TFEC: variants seen among roughly 807,000 people sequenced by gnomAD.
TFEC encodes class E basic helix-loop-helix protein 34.
A neutral mutation model predicts 41.6 loss-of-function variants in TFEC; 31 were observed. The ratio of observed to expected loss-of-function variants is 0.74; its 90% confidence interval spans 0.56 to 1.01. The LOEUF is 1.01. Ranked by LOEUF, TFEC falls within the 50% of genes least tolerant of loss-of-function variation. The pLI is 0.00. For missense variants in TFEC, 402 were observed against 404.1 expected (o/e 0.99, Z 0.04); for synonymous variants, 143 against 140.6 (o/e 1.02, Z -0.12).
chr7:116,065,384 A>G (rs992178484), intron 3 of TFEC, among the ~76,000 whole-genome samples: 6 of 152,162 alleles, frequency 3.9e-5, no homozygotes, highest in Admixed American at 6.6e-5. Flanking sequence ...TCCATTATGA[A>G]TGGTGCTTAC....
At chr7:116,144,105 C>G (rs1227354816) in intron 1 of TFEC, among the ~76,000 whole-genome samples, 1 of 152,042 alleles carries the variant, frequency 6.6e-6, no homozygotes, top group Non-Finnish European at 1.5e-5. Flanking sequence ...GTAATCCCAG[C>G]TACTCAGGAG....
chr7:116,144,258 A>G (rs996163624), intron 1 of TFEC, among the ~76,000 whole-genome samples: 12 of 152,142 alleles, frequency 7.9e-5, no homozygotes, highest in Non-Finnish European at 1.6e-4. Context: ...CCTCAACACA[A>G]TAACTCTAAG....
At chr7:116,158,749 A>C (rs183790852) in intron 1 of TFEC, among the ~76,000 whole-genome samples, 1 of 152,188 alleles carries the variant, frequency 6.6e-6, no homozygotes, top group African/African-American at 2.4e-5. Context: ...TAAAAATGTG[A>C]TACTAGGTCC....
intron 1 of TFEC, among the ~76,000 whole-genome samples, chr7:116,116,086 G>A (rs188797513): frequency 6.8e-4 from 103 of 152,028 alleles, no homozygotes; most frequent in African/African-American, 2.4e-3. Flanking sequence ...TACATGGTTG[G>A]TGTGAGTATT....
chr7:116,011,456 T>C (rs1794997570), intron 1 of TFEC, among the ~76,000 whole-genome samples: 1 of 152,124 alleles, frequency 6.6e-6, no homozygotes, highest in Non-Finnish European at 1.5e-5. Context: ...TTATAAATTA[T>C]AGTATATCAA....
At chr7:116,034,247 G>A (rs545541256), upstream of TFEC, among the ~76,000 whole-genome samples, 1 of 151,706 alleles carries the variant, frequency 6.6e-6, no homozygotes, top group Admixed American at 6.6e-5. Flanking sequence ...CATTACCTTG[G>A]CTATATCATG....
chr7:116,052,477 G>T (rs1298512881), intron 3 of TFEC, among the ~76,000 whole-genome samples: 3 of 152,068 alleles, frequency 2.0e-5, no homozygotes, highest in Non-Finnish European at 4.4e-5. Context: ...TTGCCAGGCT[G>T]GAGTGCAGTG....
intron 1 of TFEC, among the ~76,000 whole-genome samples, chr7:116,029,257 A>C (rs556957586): frequency 1.3e-5 from 2 of 152,162 alleles, no homozygotes; most frequent in Non-Finnish European, 2.9e-5. Flanking sequence ...CTAAAAAAAA[A>C]AGTTTAAAAA....
chr7:116,091,936 A>T (rs1353346029), intron 3 of TFEC, among the ~76,000 whole-genome samples: 1 of 152,158 alleles, frequency 6.6e-6, no homozygotes. Flanking sequence ...AAAATGGCCA[A>T]ACTGAATCTC....
intron 6 of TFEC, among the ~76,000 whole-genome samples, chr7:115,943,964 T>TA (rs1793643855): frequency 7.6e-6 from 1 of 131,904 alleles, no homozygotes; most frequent in Non-Finnish European, 1.6e-5. Context: ...AAAAATAATT[T>TA]TAAAAAAAGA....
rs1056428936 is a variant in TFEC, at chr7:115,939,033, G to A, written c.*1518C>T. 4 of 151,888 alleles carry A rather than the reference G, an allele frequency of 2.6e-5. No homozygotes were observed. The highest frequency in any genetic ancestry group is 2.0e-4 in the Admixed American group (3 of 15,216). 9.4% of individuals were successfully genotyped at this position (151,888 alleles called of 1,614,324 possible). A position where few individuals can be genotyped will look rare whatever the true frequency, so the allele number is the denominator to read the frequency against. On this transcript the variant is annotated 3_prime_UTR_variant, in exon 8 of 8. Coordinates refer to ENST00000265440, the MANE Select transcript of TFEC (RefSeq NM_012252.4). ...TTTCACTCAATTAATGCCTTTCAAA[G>A]AGAAGTCAAATTCTGCTGTTCCCAT...
chr7:115,959,339 G>A (rs1266939799), intron 3 of TFEC, among the ~76,000 whole-genome samples: 2 of 151,742 alleles, frequency 1.3e-5, no homozygotes, highest in African/African-American at 2.4e-5. Context: ...CCTGATCTGA[G>A]AAACTGCTTT....
intron 1 of TFEC, among the ~76,000 whole-genome samples, chr7:116,017,408 G>A (rs986505910): frequency 6.6e-6 from 1 of 152,082 alleles, no homozygotes; most frequent in African/African-American, 2.4e-5. Context: ...ATTTTTCGTA[G>A]AGATGGAGTT....
Position 115,975,469 on chromosome 7 carries a change from T to C in TFEC, c.181-1213A>G, listed in dbSNP as rs530261066. Among the ~76,000 whole-genome samples the C allele has an allele frequency of 3.9e-5, 6 of 152,222 alleles. No homozygotes were observed. In the South Asian group the frequency reaches 6.2e-4, roughly 16 times the overall value. On this transcript the variant is annotated intron_variant, in intron 2 of 7. Coordinates refer to ENST00000265440, the MANE Select transcript of TFEC (RefSeq NM_012252.4). ...CAAGATATCTAGGAACTTAAGAGAA[T>C]TGAGTGTTCGGAGAATTCTACTAAG...
At chr7:115,986,982 G>A (rs577860233) in intron 1 of TFEC, among the ~76,000 whole-genome samples, 67 of 152,242 alleles carry the variant, frequency 4.4e-4, no homozygotes, top group Middle Eastern at 3.4e-3. Context: ...AAGAAGTTGT[G>A]AGACAGTCAC....
intron 1 of TFEC, among the ~76,000 whole-genome samples, chr7:116,026,793 T>C (rs1468092049): frequency 6.6e-6 from 1 of 152,180 alleles, no homozygotes; most frequent in Non-Finnish European, 1.5e-5. Flanking sequence ...AGAAAAATCT[T>C]TAACAGTAGG....
At chr7:116,127,067 T>C (rs927105505) in intron 1 of TFEC, among the ~76,000 whole-genome samples, 2 of 152,114 alleles carry the variant, frequency 1.3e-5, no homozygotes, top group African/African-American at 4.8e-5. Flanking sequence ...CTGAAAACAG[T>C]ACATGTCTGG....
At chr7:116,043,985 T>C (rs1231849033) in intron 3 of TFEC, among the ~76,000 whole-genome samples, 2 of 152,168 alleles carry the variant, frequency 1.3e-5, no homozygotes, top group Non-Finnish European at 2.9e-5. Context: ...TAGGATTCAA[T>C]TTATGGGGCT....
rs1233070799 is a variant in TFEC at position 115,936,775 on chromosome 7, T to A, written c.*3776A>T. 1 of 151,550 alleles carries A rather than the reference T, an allele frequency of 6.6e-6. No individual in the cohort carries two copies. Among genetic ancestry groups the A allele is most frequent in the Admixed American group, 6.6e-5 (1 of 15,186 alleles). 9.4% of individuals were successfully genotyped at this position (151,550 alleles called of 1,614,324 possible). A position where few individuals can be genotyped will look rare whatever the true frequency, so the allele number is the denominator to read the frequency against. Reference sequence around the variant, plus strand: ...TGTATCTGTTTTTTTAAGTAAGAGCTATTAAATATTTGATTTACAGTCATG... The same window carrying A: ...TGTATCTGTTTTTTTAAGTAAGAGCAATTAAATATTTGATTTACAGTCATG... On this transcript the variant is annotated 3_prime_UTR_variant, in exon 8 of 8. Transcript: ENST00000265440.
Sources: gnomAD v4.1 joint callset for allele counts (sites outside exome capture counted in the v4.1 genomes callset) on GRCh38, gnomAD v4.1.1 for gene constraint, MANE v1.5 for transcripts, NCBI Gene and HGNC (gene_info 2026-07-23, HGNC 2026-07-21) for gene names.